EXOC3L4: variants seen among roughly 807,000 people sequenced by gnomAD.
EXOC3L4 encodes exocyst complex component 3 like 4.
A neutral mutation model predicts 69.7 loss-of-function variants in EXOC3L4; 62 were observed. The ratio of observed to expected loss-of-function variants is 0.89; its 90% CI spans 0.72 to 1.10. EXOC3L4 has a LOEUF of 1.10. Ranked by LOEUF, EXOC3L4 falls within the 50% of genes least tolerant of loss-of-function variation. EXOC3L4 has a pLI of 0.00. For missense variants in EXOC3L4, 1,087 were observed against 1,034.8 expected, an observed-to-expected ratio of 1.05 and a Z score of -0.69; for synonymous variants, 502 against 464.2, an observed-to-expected ratio of 1.08 and a Z score of -1.05.
rs915079132 is a variant in EXOC3L4 at position 103,104,409 on chromosome 14, G to C, written c.1284+20G>C. The C allele has an allele frequency of 1.3e-6, 2 of 1,537,512 alleles. No individual in the cohort carries two copies. Among genetic ancestry groups the C allele is most frequent in the East Asian group, 2.5e-5 (1 of 40,552 alleles). ...CATATGGTGCGGCCCGGGAGCAGGG[G>C]CTGAGAAGGGGCGTCTGTTCAAGCC... On this transcript the variant is annotated intron_variant, in intron 5 of 11. Coordinates refer to ENST00000688303, the MANE Select transcript of EXOC3L4 (RefSeq NM_001077594.2).
chr14:103,109,533 A>G (rs62639522), intron 11 of EXOC3L4, among the ~76,000 whole-genome samples: 4 of 10 alleles, frequency 0.4, 2 homozygotes, highest in Admixed American at 1. Context: ...CCCTGTCCCC[A>G]TGTCTCCCTC....
chr14:103,105,217 G>C, intron 7 of EXOC3L4, 145 bp downstream of exon 7: 1 of 809,380 alleles, frequency 1.2e-6, no homozygotes, highest in East Asian at 2.7e-5. Flanking sequence ...TGTGTTGGTG[G>C]ATCTGAGGGG....
Position 103,110,032 on chromosome 14 carries a change from C to T in EXOC3L4, c.1978C>T (p.Arg660Trp), listed in dbSNP as rs200884137. 847 of 1,592,158 alleles carry T rather than the reference C, an allele frequency of 5.3e-4. 15 individuals are homozygous for T. The East Asian group carries it at 0.018, about 34-fold the overall frequency. ...GTGAGTGCCCGCATGTCTCTGCAGG[C>T]GGGACCACATACTGGCCATTCTGGC... ...TLIRSYPDIR[R>W]DHILAILALR... The change falls in exon 12 of 12, where the codon CGG becomes TGG. Residue 660 changes from arginine (R) to tryptophan (W), a missense_variant and splice_region_variant. Arg to Trp is a moderately radical substitution (Grantham distance 101). Coordinates refer to ENST00000688303, the MANE Select transcript of EXOC3L4 (RefSeq NM_001077594.2).
chr14:103,104,744 G>A lies in EXOC3L4; in HGVS notation c.1291G>A (p.Ala431Thr). 4.6e-6 allele frequency: 7 copies of A among 1,509,332 alleles called. No individual in the cohort carries two copies. The highest frequency in any genetic ancestry group is 2.1e-5 in the Admixed American group (1 of 47,756). The allele number at this position is 1,509,332 out of a possible 1,614,324, so 93.5% of individuals were successfully genotyped here. Residue 431 changes from alanine to threonine, a missense_variant, in exon 6 of 12, where the codon GCC (alanine) becomes ACC (threonine). By Grantham distance (58) the Ala-to-Thr change is moderately conservative (BLOSUM62 0). Coordinates refer to ENST00000688303, the MANE Select transcript of EXOC3L4 (RefSeq NM_001077594.2). Reference sequence around the variant, plus strand: ...TGCGGGGCTTCGCTCGCAGCTCGTGGCCGAGCACGTGAAGGCGGCCGGCGC... The same window carrying A: ...TGCGGGGCTTCGCTCGCAGCTCGTGACCGAGCACGTGAAGGCGGCCGGCGC... Reference protein sequence around the residue: ...PLSMDVHMLVAEHVKAAGAIS... With the variant: ...PLSMDVHMLVTEHVKAAGAIS...
At chr14:103,106,173 G>A (rs539112129) in intron 7 of EXOC3L4, among the ~76,000 whole-genome samples, 1 of 152,362 alleles carries the variant, frequency 6.6e-6, no homozygotes, top group South Asian at 2.1e-4. Context: ...CCGTGGCCAC[G>A]TAGCCAGGAA....
In EXOC3L4 at chr14:103,110,548, T is replaced by C. The variant is rs2139525808; in HGVS notation, c.*325T>C. ...GCAGAGTATTTATTTAAAAAATAAA[T>C]GTGAATTAAAATGGTGCCTCCCTAA... is the stretch of plus-strand genomic sequence containing the variant. On this transcript the variant is annotated 3_prime_UTR_variant, in exon 12 of 12. Transcript: ENST00000688303. The C allele has an allele frequency of 2.5e-6, 1 of 406,312 alleles. No individual in the cohort carries two copies. The highest frequency in any genetic ancestry group is 6.2e-5 in the East Asian group (1 of 16,150). 25.2% of individuals were successfully genotyped at this position (406,312 alleles called of 1,614,324 possible). A position where few individuals can be genotyped will look rare whatever the true frequency, so the allele number is the denominator to read the frequency against.
In EXOC3L4 at chr14:103,100,321, C is replaced by T. The variant is rs1260606120; in HGVS notation, c.102C>T (p.Ser34=). Residue 34 remains serine (S), a synonymous_variant, in exon 2 of 12, where the codon AGC becomes AGT. Transcript: ENST00000688303. ...TPAQGSRRTS[S]RKEPNAHRKD... ...CTCAGGGCTCCCGGCGAACAAGCAG[C>T]AGGAAAGAGCCCAATGCCCACCGCA... is the stretch of plus-strand genomic sequence containing the variant. 1 of 1,591,250 alleles carries T rather than the reference C, an allele frequency of 6.3e-7. No homozygotes were observed. Among genetic ancestry groups the T allele is most frequent in the Non-Finnish European group, 8.6e-7 (1 of 1,168,134 alleles).
At position 103,102,656 on chromosome 14, in the gene EXOC3L4, C is replaced by G; in HGVS notation, c.933C>G (p.Val311=). The G allele has an allele frequency of 6.7e-7, 1 of 1,500,740 alleles. No individual in the cohort carries two copies. The highest frequency in any genetic ancestry group is 8.8e-7 in the Non-Finnish European group (1 of 1,130,954). The allele number at this position is 1,500,740 out of a possible 1,614,324, so 93.0% of individuals were successfully genotyped here. Residue 311 remains valine, a synonymous_variant, in exon 3 of 12, where the codon GTC becomes GTG. Coordinates refer to ENST00000688303, the MANE Select transcript of EXOC3L4 (RefSeq NM_001077594.2). The part of the protein sequence containing the change: ...YAAAGFPAWE[V]YLRAFHSAVA... The stretch of plus-strand genomic sequence containing the variant: ...CGGCCGGCTTCCCAGCGTGGGAGGT[C>G]TATCTGCGTGCCTTCCACAGCGCCG...
chr14:103,103,225 C>T (rs573181432), intron 3 of EXOC3L4, among the ~76,000 whole-genome samples: 33 of 152,120 alleles, frequency 2.2e-4, no homozygotes, highest in African/African-American at 6.7e-4. Context: ...CATGGTGGCA[C>T]GCACCTGTAA....
chr14:103,104,583 G>A (rs1177294687), intron 5 of EXOC3L4, 155 bp from the exon 6 acceptor site: 11 of 1,229,570 alleles, frequency 8.9e-6, no homozygotes, highest in Non-Finnish European at 1.2e-5. Context: ...GGGAGTTTGC[G>A]GGAGTTGACT....
intron 1 of EXOC3L4, among the ~76,000 whole-genome samples, chr14:103,095,394 A>G (rs1889847504): frequency 6.6e-6 from 1 of 152,164 alleles, no homozygotes. Flanking sequence ...GGCCCACAGC[A>G]GGAGGTGCCG....
chr14:103,098,393 C>T (rs1889994374), intron 1 of EXOC3L4, among the ~76,000 whole-genome samples: 1 of 143,014 alleles, frequency 7.0e-6, no homozygotes, highest in Admixed American at 6.9e-5. Context: ...GGCTCCCCAG[C>T]CTGAGTGCGC....
rs780254987 is a variant in EXOC3L4 at position 103,110,019 on chromosome 14, A to G, written c.1977-12A>G. 3 of 1,581,132 alleles carry G rather than the reference A, an allele frequency of 1.9e-6. No homozygotes were observed. Among genetic ancestry groups the G allele is most frequent in the East Asian group, 2.3e-5 (1 of 43,520 alleles). On this transcript the variant is annotated splice_polypyrimidine_tract_variant and intron_variant, in intron 11 of 11. Coordinates refer to ENST00000688303, the MANE Select transcript of EXOC3L4 (RefSeq NM_001077594.2). ...GTGTAGGTCTGCAGTGAGTGCCCGC[A>G]TGTCTCTGCAGGCGGGACCACATAC...
Position 103,107,719 on chromosome 14 carries a change from G to C in EXOC3L4, c.1790G>C (p.Arg597Pro). 6.4e-7 allele frequency: 1 copy of C among 1,550,838 alleles called. No individual in the cohort carries two copies. Among genetic ancestry groups the C allele is most frequent in the Non-Finnish European group, 8.7e-7 (1 of 1,145,630 alleles). Residue 597 changes from arginine (R) to proline (P), a missense_variant, in exon 10 of 12, where the codon CGC (arginine) becomes CCC (proline). Arg to Pro is a moderately radical substitution (Grantham distance 103). Coordinates refer to ENST00000688303, the MANE Select transcript of EXOC3L4 (RefSeq NM_001077594.2). ...RPRERFRGME[R>P]MHGSQKMSLD... ...CGGGAGCGGTTCCGGGGCATGGAGCGCATGCATGGCTCCCAGAAGATGAGC... is the reference window on the plus strand; with the variant it reads ...CGGGAGCGGTTCCGGGGCATGGAGCCCATGCATGGCTCCCAGAAGATGAGC...
rs377108152 is a variant in EXOC3L4, at chr14:103,106,587, CT to C, written c.1467-197del. ...CCAGAGGGGAACGGGTCAGCCACCC[CT>C]GACCCACCCCTTTGTGACTGGCTCC... On this transcript the variant is annotated intron_variant, in intron 7 of 11. Coordinates refer to ENST00000688303, the MANE Select transcript of EXOC3L4 (RefSeq NM_001077594.2). Among the ~76,000 whole-genome samples the C allele has an allele frequency of 2.9e-3, 440 of 152,330 alleles. 6 individuals are homozygous for C. Among genetic ancestry groups the C allele is most frequent in the African/African-American group, 0.01 (420 of 41,566 alleles).
Position 103,110,549 on chromosome 14 carries a change from G to A in EXOC3L4, c.*326G>A, listed in dbSNP as rs1263966281. The A allele has an allele frequency of 9.9e-6, 4 of 405,594 alleles. No homozygotes were observed. Among genetic ancestry groups the A allele is most frequent in the Admixed American group, 7.2e-5 (2 of 27,674 alleles). 25.1% of individuals were successfully genotyped at this position (405,594 alleles called of 1,614,324 possible). A position where few individuals can be genotyped will look rare whatever the true frequency, so the allele number is the denominator to read the frequency against. ...CAGAGTATTTATTTAAAAAATAAAT[G>A]TGAATTAAAATGGTGCCTCCCTAAG... On this transcript the variant is annotated 3_prime_UTR_variant, in exon 12 of 12. Transcript: ENST00000688303.
At chr14:103,107,594 T>TTGACCC (rs749944424) in intron 9 of EXOC3L4, 37 bp from the exon 10 acceptor site, 102 of 1,609,442 alleles carry the variant, frequency 6.3e-5, no homozygotes, top group South Asian at 1.3e-4. Context: ...ATTGGGGCTG[T>TTGACCC]TGACCCTGAC....
At position 103,102,461 on chromosome 14, in the gene EXOC3L4, G is replaced by A; in HGVS notation, c.738G>A (p.Glu246=). ...RTPRRWRQHW[E]EAVRRSAQER... is the part of the protein sequence containing the mutation. ...CGCGCCGCTGGCGCCAGCACTGGGA[G>A]GAGGCGGTGCGGCGAAGCGCTCAGG... Residue 246 remains glutamate (E), a synonymous_variant, in exon 3 of 12, where the codon GAG becomes GAA. Coordinates refer to ENST00000688303, the MANE Select transcript of EXOC3L4 (RefSeq NM_001077594.2). The A allele has an allele frequency of 1.4e-6, 2 of 1,461,898 alleles. No individual in the cohort carries two copies. Among genetic ancestry groups the A allele is most frequent in the Non-Finnish European group, 1.8e-6 (2 of 1,118,500 alleles). 90.6% of individuals were successfully genotyped at this position (1,461,898 alleles called of 1,614,324 possible).
Position 103,102,150 on chromosome 14 carries a change from C to G in EXOC3L4, c.427C>G (p.Arg143Gly), listed in dbSNP as rs1295594403. 1 of 1,606,012 alleles carries G rather than the reference C, an allele frequency of 6.2e-7. No individual in the cohort carries two copies. Among genetic ancestry groups the G allele is most frequent in the East Asian group, 2.3e-5 (1 of 44,332 alleles). Residue 143 changes from arginine to glycine, a missense_variant, in exon 3 of 12, where the codon CGG (arginine) becomes GGG (glycine). By Grantham distance (125) the Arg-to-Gly change is moderately radical. Transcript: ENST00000688303. The stretch of plus-strand genomic sequence containing the variant: ...ATCCGTGGCCGACCTCATTACTGAA[C>G]GGCAACTGCTGGCGGCCTTCGAACA... ...GKSVADLITERQLLAAFEQLL... is the reference protein window; with the variant it reads ...GKSVADLITEGQLLAAFEQLL...
Sources: allele counts gnomAD v4.1 joint callset (sites outside exome capture counted in the v4.1 genomes callset), GRCh38; gene constraint gnomAD v4.1.1; transcripts MANE v1.5; gene names NCBI Gene and HGNC (gene_info 2026-07-23, HGNC 2026-07-21).